EYS: variants seen among roughly 807,000 people sequenced by gnomAD.
EYS encodes EGF-like photoreceptor maintenance factor, also known as protein eyes shut homolog.
A neutral mutation model predicts 282.1 loss-of-function variants in EYS; 250 were observed. That is an observed-to-expected ratio of 0.89 (90% CI 0.80 to 0.98). The LOEUF (loss-of-function observed/expected upper bound fraction) is 0.98, where lower values mean the gene tolerates loss of function less well. Ranked by LOEUF, EYS falls within the 50% of genes least tolerant of loss-of-function variation. EYS has a pLI of 0.00. For missense variants in EYS, 4,016 were observed against 3,709.0 expected (o/e 1.08, Z -2.15); for synonymous variants, 1,355 against 1,282.9 (o/e 1.06, Z -1.20).
chr6:65,631,632 A>C (rs1164485314), intron 2 of EYS, among the ~76,000 whole-genome samples: 1 of 152,130 alleles, frequency 6.6e-6, no homozygotes, highest in Non-Finnish European at 1.5e-5. Context: ...ACTATAAAAG[A>C]CTTGTAATTG....
intron 14 of EYS, among the ~76,000 whole-genome samples, chr6:64,950,811 ATATATATATATATATATATATATT>A (rs1315623045): frequency 9.6e-5 from 10 of 104,034 alleles, no homozygotes; most frequent in African/African-American, 1.9e-4. Flanking sequence ...ATATATATAT[ATATATATATATATATATATATATT>A]GTTGAATTGT....
Position 64,813,385 on chromosome 6 carries a change from CA to C in EYS, c.3435del (p.Phe1145LeufsTer18). On this transcript the variant is annotated frameshift_variant, in exon 22 of 43. Coordinates refer to ENST00000503581, the MANE Select transcript of EYS (RefSeq NM_001142800.2). LOFTEE classifies it high-confidence loss of function. ...GICVDGPGHT[F>X]DCRCLPGFSG... is the part of the protein sequence containing the mutation. ...GGGTAAATAAATACTGACCTGCAGTCAAAAGTATGTCCAGGCCCATCAACAC... is the reference window on the plus strand; with the variant it reads ...GGGTAAATAAATACTGACCTGCAGTCAAAGTATGTCCAGGCCCATCAACAC... 1 of 1,541,584 alleles carries C rather than the reference CA, an allele frequency of 6.5e-7. No homozygotes were observed. Among genetic ancestry groups the C allele is most frequent in the Non-Finnish European group, 8.8e-7 (1 of 1,142,318 alleles).
intron 26 of EYS, among the ~76,000 whole-genome samples, chr6:64,518,948 A>G (rs573230441): frequency 8.6e-5 from 13 of 151,974 alleles, no homozygotes; most frequent in African/African-American, 3.1e-4. Context: ...AGTCTCCAGT[A>G]TGTCTTTTTT....
intron 12 of EYS, among the ~76,000 whole-genome samples, chr6:65,184,000 A>C (rs1765456049): frequency 6.6e-6 from 1 of 151,986 alleles, no homozygotes; most frequent in Non-Finnish European, 1.5e-5. Context: ...ATGGAACATA[A>C]TTATATCATT....
intron 26 of EYS, among the ~76,000 whole-genome samples, chr6:64,506,841 G>A (rs1311159376): frequency 6.8e-6 from 1 of 146,858 alleles, no homozygotes; most frequent in Non-Finnish European, 1.5e-5. Flanking sequence ...CCCGGGAGGC[G>A]GAGCTTGTAG....
At chr6:64,113,851 A>G (rs1288486173) in intron 31 of EYS, among the ~76,000 whole-genome samples, 1 of 152,220 alleles carries the variant, frequency 6.6e-6, no homozygotes, top group Non-Finnish European at 1.5e-5. Flanking sequence ...AGTTGCTAAC[A>G]TCAGTCTACA....
intron 22 of EYS, among the ~76,000 whole-genome samples, chr6:64,745,595 C>T (rs1002668042): frequency 5.9e-5 from 9 of 152,166 alleles, no homozygotes; most frequent in African/African-American, 1.9e-4. Context: ...TTGTTAGCCA[C>T]TGTAATCCAG....
At chr6:64,301,454 G>C (rs550866225) in intron 30 of EYS, among the ~76,000 whole-genome samples, 1 of 152,082 alleles carries the variant, frequency 6.6e-6, no homozygotes, top group Non-Finnish European at 1.5e-5. Context: ...TACCCTACAG[G>C]GTTAATAGGA....
At chr6:63,905,771 C>T (rs1250948751) in intron 35 of EYS, among the ~76,000 whole-genome samples, 1 of 152,140 alleles carries the variant, frequency 6.6e-6, no homozygotes, top group Non-Finnish European at 1.5e-5. Context: ...ACACTGATTC[C>T]AACCAAACGA....
Position 64,912,608 on chromosome 6 carries a change from G to C in EYS, c.2517C>G (p.Pro839=), listed in dbSNP as rs1359464004. 2 of 1,551,222 alleles carry C rather than the reference G, an allele frequency of 1.3e-6. No individual in the cohort carries two copies. The highest frequency in any genetic ancestry group is 1.2e-5 in the South Asian group (1 of 84,028). The change falls in exon 16 of 43, where the codon CCC becomes CCG. Residue 839 remains proline (P), a synonymous_variant. Transcript: ENST00000503581. Reference sequence around the variant, plus strand: ...GGTGGCAAAATTGTCCAGTATAAAGGGGTGGGCACAGACATACAAATTGTC... The same window carrying C: ...GGTGGCAAAATTGTCCAGTATAAAGCGGTGGGCACAGACATACAAATTGTC... ...IPGQFVCLCP[P]LYTGQFCHQR... is the part of the protein sequence containing the mutation.
Position 63,918,663 on chromosome 6 carries a change from C to T in EYS, c.7056-54305G>A, listed in dbSNP as rs1764486955. ...AGCTGAGGGAGAATTAGCCAGGTGG[C>T]AGCAAGGGTATTCAAAGCCAGCAGC... On this transcript the variant is annotated intron_variant, in intron 35 of 42. Transcript: ENST00000503581. Among the ~76,000 whole-genome samples, 3 of 152,150 alleles carry T rather than the reference C, an allele frequency of 2.0e-5. No homozygotes were observed. In the South Asian group the frequency reaches 6.2e-4, roughly 31 times the overall value.
At chr6:64,335,105 G>A (rs1770791090) in intron 29 of EYS, among the ~76,000 whole-genome samples, 1 of 152,024 alleles carries the variant, frequency 6.6e-6, no homozygotes, top group Non-Finnish European at 1.5e-5. Context: ...ATAGCTAACT[G>A]TAGTGCTCTT....
chr6:65,483,589 G>C (rs1483084410), intron 5 of EYS, among the ~76,000 whole-genome samples: 1 of 152,056 alleles, frequency 6.6e-6, no homozygotes, highest in East Asian at 1.9e-4. Flanking sequence ...AATATGCACA[G>C]TTGATCATGG....
rs111881182 is a variant in EYS at position 65,186,279 on chromosome 6, TGA to T, written c.2023+109582_2023+109583del. ...AATATTTTGTGCTCCTGCCAATTTGTGAGAGTTAAAATATAGGAAAGATCACG... is the reference window on the plus strand; with the variant it reads ...AATATTTTGTGCTCCTGCCAATTTGTGAGTTAAAATATAGGAAAGATCACG... On this transcript the variant is annotated intron_variant, in intron 12 of 42. Coordinates refer to ENST00000503581, the MANE Select transcript of EYS (RefSeq NM_001142800.2). 4.7e-3 allele frequency among the ~76,000 whole-genome samples: 715 copies of T among 151,896 alleles called. 4 individuals carry two copies. Among genetic ancestry groups the T allele is most frequent in the African/African-American group, 0.015 (633 of 41,532 alleles).
intron 29 of EYS, among the ~76,000 whole-genome samples, chr6:64,363,530 T>G (rs1310083526): frequency 6.6e-6 from 1 of 151,942 alleles, no homozygotes; most frequent in African/African-American, 2.4e-5. Context: ...TTTAATTTCT[T>G]TGTTTTTAAA....
chr6:65,226,076 C>A (rs1186684234), intron 12 of EYS, among the ~76,000 whole-genome samples: 1 of 151,796 alleles, frequency 6.6e-6, no homozygotes, highest in East Asian at 1.9e-4. Context: ...AAAATTAAAT[C>A]TATTTATATT....
At chr6:63,899,290 T>G (rs1167207482) in intron 35 of EYS, among the ~76,000 whole-genome samples, 1 of 152,166 alleles carries the variant, frequency 6.6e-6, no homozygotes, top group African/African-American at 2.4e-5. Flanking sequence ...GTTTTTTTTC[T>G]GAGTATCTTC....
chr6:63,856,638 A>C (rs1410108393), intron 36 of EYS, among the ~76,000 whole-genome samples: 1 of 152,176 alleles, frequency 6.6e-6, no homozygotes, highest in Non-Finnish European at 1.5e-5. Context: ...TGCCTCATGG[A>C]AATAGTTTTA....
At chr6:65,106,606 C>A (rs12208391) in intron 12 of EYS, among the ~76,000 whole-genome samples, 2 of 152,060 alleles carry the variant, frequency 1.3e-5, no homozygotes, top group African/African-American at 4.8e-5. Flanking sequence ...CCTGATGCAT[C>A]GATCCTAGTA....
Sources: gnomAD v4.1 joint callset for allele counts (sites outside exome capture counted in the v4.1 genomes callset) on GRCh38, gnomAD v4.1.1 for gene constraint, MANE v1.5 for transcripts, NCBI Gene and HGNC (gene_info 2026-07-23, HGNC 2026-07-21) for gene names.